The following CCDC87 variants were observed in gnomAD, a reference collection of about 807,000 sequenced individuals.
The protein encoded by CCDC87 is coiled-coil domain containing 87.
For synonymous variants in CCDC87, 434 were observed against 440.2 expected, an observed-to-expected ratio of 0.99 and a Z score of 0.18; for missense variants, 1,072 against 1,041.7, an observed-to-expected ratio of 1.03 and a Z score of -0.40.
In CCDC87 at chr11:66,591,197, C is replaced by G; in HGVS notation, c.1819G>C (p.Asp607His). Residue 607 changes from aspartate to histidine, a missense_variant, in exon 1 of 1, where the codon GAT becomes CAT. By Grantham distance (81) the Asp-to-His change is moderately conservative (BLOSUM62 -1). Coordinates refer to ENST00000333861, the MANE Select transcript of CCDC87 (RefSeq NM_018219.3). ...YFKYLTNHET[D>H]FLHVIFQMHE... ...ATTTGAAAGATGACATGAAGGAAAT[C>G]TGTTTCATGGTTGGTGAGGTACTTG... 6.2e-7 allele frequency: 1 copy of G among 1,614,242 alleles called. No individual in the cohort carries two copies. The highest frequency in any genetic ancestry group is 1.1e-5 in the South Asian group (1 of 91,084).
chr11:66,591,777 C>T lies in CCDC87; in HGVS notation c.1239G>A (p.Gln413=). The change falls in exon 1 of 1, where the codon CAG becomes CAA. Residue 413 remains glutamine (Q), a synonymous_variant. Coordinates refer to ENST00000333861, the MANE Select transcript of CCDC87 (RefSeq NM_018219.3). ...RNLQEEEASG[Q]WDPQPPKSFP... ...AGGATTTGGGGGGCTGGGGGTCCCA[C>T]TGCCCAGAGGCTTCTTCCTCCTGGA... is the stretch of plus-strand genomic sequence containing the variant. 3.1e-6 allele frequency: 5 copies of T among 1,613,634 alleles called. No homozygotes were observed. Among genetic ancestry groups the T allele is most frequent in the Non-Finnish European group, 4.2e-6 (5 of 1,179,994 alleles).
rs370285161 is a variant in CCDC87, at chr11:66,590,211, G to T, written c.*255C>A. ...GGAGATTTGGCTTGTATTGTGCAAG[G>T]CTTGACATAATGGGACTACTAGGCT... On this transcript the variant is annotated 3_prime_UTR_variant, in exon 1 of 1. Coordinates refer to ENST00000333861, the MANE Select transcript of CCDC87 (RefSeq NM_018219.3). 7 of 475,848 alleles carry T rather than the reference G, an allele frequency of 1.5e-5. No homozygotes were observed. Among genetic ancestry groups the T allele is most frequent in the Non-Finnish European group, 2.6e-5 (7 of 271,462 alleles). The allele number at this position is 475,848 out of a possible 1,614,324, so 29.5% of individuals were successfully genotyped here.
rs372124178 is a variant in CCDC87, at chr11:66,591,391, T to C, written c.1625A>G (p.Asn542Ser). The change falls in exon 1 of 1, where the codon AAC (asparagine) becomes AGC (serine). Residue 542 changes from asparagine (N) to serine (S), a missense_variant. By Grantham distance (46) the Asn-to-Ser change is conservative. Transcript: ENST00000333861. ...GGAGTAAAGTCCAACCAGCTCAGGG[T>C]TGATGATTTGAGGCTGTTTTTCTTG... Reference protein sequence around the residue: ...LRQEKQPQIINPELVGLYSQR... With the variant: ...LRQEKQPQIISPELVGLYSQR... 176 of 1,613,932 alleles carry C rather than the reference T, an allele frequency of 1.1e-4. No individual in the cohort carries two copies. Among genetic ancestry groups the C allele is most frequent in the Non-Finnish European group, 1.4e-4 (163 of 1,179,990 alleles).
Position 66,591,312 on chromosome 11 carries a change from T to C in CCDC87, c.1704A>G (p.Ser568=). The change falls in exon 1 of 1, where the codon TCA becomes TCG. Residue 568 remains serine, a synonymous_variant. Transcript: ENST00000333861. Reference sequence around the variant, plus strand: ...TCTCCCAGCTTTTGGTAGCTTGGAGTGATGGGAGGGAGGGCATCTTCTTAG... The same window carrying C: ...TCTCCCAGCTTTTGGTAGCTTGGAGCGATGGGAGGGAGGGCATCTTCTTAG... ...SNTKKMPSLP[S]LQATKSWEKW... 3 of 1,614,020 alleles carry C rather than the reference T, an allele frequency of 1.9e-6. 1 individual carries two copies. The highest frequency in any genetic ancestry group is 8.5e-7 in the Non-Finnish European group (1 of 1,179,970).
chr11:66,591,227 A>C lies in CCDC87; in HGVS notation c.1789T>G (p.Tyr597Asp). Residue 597 changes from tyrosine to aspartate, a missense_variant, in exon 1 of 1, where the codon TAC becomes GAC. Coordinates refer to ENST00000333861, the MANE Select transcript of CCDC87 (RefSeq NM_018219.3). ...TCATGGTTGGTGAGGTACTTGAAGTAGTCATCCACAGACAAGGTGGTTTTC... is the reference window on the plus strand; with the variant it reads ...TCATGGTTGGTGAGGTACTTGAAGTCGTCATCCACAGACAAGGTGGTTTTC... ...SWKTTLSVDD[Y>D]FKYLTNHETD... The C allele has an allele frequency of 6.2e-7, 1 of 1,614,234 alleles. No individual in the cohort carries two copies. Among genetic ancestry groups the C allele is most frequent in the Non-Finnish European group, 8.5e-7 (1 of 1,180,032 alleles).
In CCDC87 at chr11:66,591,457, T is replaced by C. The variant is rs748665254; in HGVS notation, c.1559A>G (p.Asp520Gly). The C allele has an allele frequency of 6.2e-7, 1 of 1,614,168 alleles. No homozygotes were observed. Residue 520 changes from aspartate (D) to glycine (G), a missense_variant, in exon 1 of 1, where the codon GAT becomes GGT. Physicochemically the swap from Asp to Gly is moderately conservative, Grantham distance 94. Coordinates refer to ENST00000333861, the MANE Select transcript of CCDC87 (RefSeq NM_018219.3). ...GGACAGGAAGGTCGACCAGTCTTTA[T>C]CTGCTGCAGGCTCAACTAGGGGCCC... Reference protein sequence around the residue: ...DQGPLVEPAADKDWSTFLSSA... With the variant: ...DQGPLVEPAAGKDWSTFLSSA...
rs1168009895 is a variant in CCDC87, at chr11:66,591,672, G to A, written c.1344C>T (p.Val448=). ...EVVVQAAAVR[V]SDRNFLDSFH... is the part of the protein sequence containing the mutation. ...AAGAGTCTAAGAAGTTTCTATCAGA[G>A]ACCCGTACGGCAGCCGCCTGGACCA... The change falls in exon 1 of 1, where the codon GTC becomes GTT. Residue 448 remains valine, a synonymous_variant. Coordinates refer to ENST00000333861, the MANE Select transcript of CCDC87 (RefSeq NM_018219.3). 2 of 1,613,798 alleles carry A rather than the reference G, an allele frequency of 1.2e-6. No homozygotes were observed. Among genetic ancestry groups the A allele is most frequent in the East Asian group, 2.2e-5 (1 of 44,888 alleles).
In CCDC87 at chr11:66,591,768, G is replaced by A. The variant is rs1858365275; in HGVS notation, c.1248C>T (p.Pro416=). ...QEEEASGQWD[P]QPPKSFPLHP... ...GAAGTGGAAAGGATTTGGGGGGCTG[G>A]GGGTCCCACTGCCCAGAGGCTTCTT... The change falls in exon 1 of 1, where the codon CCC becomes CCT. Residue 416 remains proline, a synonymous_variant. Transcript: ENST00000333861. The A allele has an allele frequency of 6.2e-7, 1 of 1,613,492 alleles. No individual in the cohort carries two copies. The highest frequency in any genetic ancestry group is 1.7e-5 in the Admixed American group (1 of 59,992).
At position 66,592,185 on chromosome 11, in the gene CCDC87, G is replaced by A; in HGVS notation, c.831C>T (p.Asp277=). The A allele has an allele frequency of 6.3e-7, 1 of 1,598,698 alleles. No homozygotes were observed. Among genetic ancestry groups the A allele is most frequent in the South Asian group, 1.1e-5 (1 of 88,202 alleles). The change falls in exon 1 of 1, where the codon GAC becomes GAT. Residue 277 remains aspartate, a synonymous_variant. Coordinates refer to ENST00000333861, the MANE Select transcript of CCDC87 (RefSeq NM_018219.3). ...LPSIGKKREI[D]ISSSQMVSLP... is the part of the protein sequence containing the mutation. The stretch of plus-strand genomic sequence containing the variant: ...GCGACACCATCTGTGAGGAACTGAT[G>A]TCGATTTCTCTCTTCTTTCCTATGG...
rs141813240 is a variant in CCDC87 at position 66,590,608 on chromosome 11, C to A, written c.2408G>T (p.Arg803Leu). 1 of 1,614,086 alleles carries A rather than the reference C, an allele frequency of 6.2e-7. No homozygotes were observed. Among genetic ancestry groups the A allele is most frequent in the African/African-American group, 1.3e-5 (1 of 74,938 alleles). The stretch of plus-strand genomic sequence containing the variant: ...ACTCTTCATCTTGTCCAGGTAGGGC[C>A]GCCCCTTGAAGATCACTGGCTCGCC... ...IFGEPVIFKGRPYLDKMKSDK... is the reference protein window; with the variant it reads ...IFGEPVIFKGLPYLDKMKSDK... The change falls in exon 1 of 1, where the codon CGG (arginine) becomes CTG (leucine). Residue 803 changes from arginine to leucine, a missense_variant. By Grantham distance (102) the Arg-to-Leu change is moderately radical. Transcript: ENST00000333861.
rs760594969 is a variant in CCDC87 at position 66,590,464 on chromosome 11, T to C, written c.*2A>G. ...GAGTAATAGGGGTATTCCCAGGAGCTACTAAAGGCTGGCTGCTGAGCTCCT... is the reference window on the plus strand; with the variant it reads ...GAGTAATAGGGGTATTCCCAGGAGCCACTAAAGGCTGGCTGCTGAGCTCCT... On this transcript the variant is annotated 3_prime_UTR_variant, in exon 1 of 1. Coordinates refer to ENST00000333861, the MANE Select transcript of CCDC87 (RefSeq NM_018219.3). 6 of 1,600,648 alleles carry C rather than the reference T, an allele frequency of 3.7e-6. No homozygotes were observed. The African/African-American group carries it at 4.0e-5, about 11-fold the overall frequency.
rs372888447 is a variant in CCDC87 at position 66,590,419 on chromosome 11, G to T, written c.*47C>A. 6.9e-7 allele frequency: 1 copy of T among 1,446,068 alleles called. No individual in the cohort carries two copies. Among genetic ancestry groups the T allele is most frequent in the African/African-American group, 1.4e-5 (1 of 70,484 alleles). 89.6% of individuals were successfully genotyped at this position (1,446,068 alleles called of 1,614,324 possible). ...ATTTAGGGGTGAGGGAGGCATTTGA[G>T]GGCACTGGGCCTGGTCAAGGAGTAA... On this transcript the variant is annotated 3_prime_UTR_variant, in exon 1 of 1. Transcript: ENST00000333861.
Position 66,591,270 on chromosome 11 carries a change from G to A in CCDC87, c.1746C>T (p.Ala582=). ...TKSWEKWSNK[A]SLMNSWKTTL... Reference sequence around the variant, plus strand: ...TGGTTTTCCATGAGTTCATCAAGGAGGCCTTGTTTGACCACTTCTCCCAGC... The same window carrying A: ...TGGTTTTCCATGAGTTCATCAAGGAAGCCTTGTTTGACCACTTCTCCCAGC... Residue 582 remains alanine (A), a synonymous_variant, in exon 1 of 1, where the codon GCC becomes GCT. Transcript: ENST00000333861. The A allele has an allele frequency of 1.2e-6, 2 of 1,614,242 alleles. No individual in the cohort carries two copies. The highest frequency in any genetic ancestry group is 1.7e-6 in the Non-Finnish European group (2 of 1,180,048).
Position 66,590,652 on chromosome 11 carries a change from C to T in CCDC87, c.2364G>A (p.Glu788=). The T allele has an allele frequency of 6.2e-7, 1 of 1,614,098 alleles. No homozygotes were observed. The highest frequency in any genetic ancestry group is 8.5e-7 in the Non-Finnish European group (1 of 1,179,940). Residue 788 remains glutamate (E), a synonymous_variant, in exon 1 of 1, where the codon GAG becomes GAA. Coordinates refer to ENST00000333861, the MANE Select transcript of CCDC87 (RefSeq NM_018219.3). ...LMESSLVSLL[E]EIELIFGEPV... is the part of the protein sequence containing the mutation. The stretch of plus-strand genomic sequence containing the variant: ...GCTCGCCAAAGATTAACTCTATCTC[C>T]TCCAGGAGGGAAACCAAAGAAGACT...
In CCDC87 at chr11:66,592,795, C is replaced by T; in HGVS notation, c.221G>A (p.Gly74Glu). 6.2e-7 allele frequency: 1 copy of T among 1,607,096 alleles called. No homozygotes were observed. The highest frequency in any genetic ancestry group is 8.5e-7 in the Non-Finnish European group (1 of 1,176,558). ...ACGTAGTCGGGCCTCAGGAGGCACT[C>T]CCGCTGCTATCCCGCTGCCGGCCAG... ...KLLAGSGIAA[G>E]VPPEARLRLI... Residue 74 changes from glycine to glutamate, a missense_variant, in exon 1 of 1, where the codon GGA becomes GAA. Coordinates refer to ENST00000333861, the MANE Select transcript of CCDC87 (RefSeq NM_018219.3).
Position 66,592,970 on chromosome 11 carries a change from G to T in CCDC87, c.46C>A (p.His16Asn), listed in dbSNP as rs753708100. 6.6e-7 allele frequency: 1 copy of T among 1,517,300 alleles called. No individual in the cohort carries two copies. Among genetic ancestry groups the T allele is most frequent in the Non-Finnish European group, 8.8e-7 (1 of 1,135,596 alleles). 94.0% of individuals were successfully genotyped at this position (1,517,300 alleles called of 1,614,324 possible). The change falls in exon 1 of 1, where the codon CAC (histidine) becomes AAC (asparagine). Residue 16 changes from histidine (H) to asparagine (N), a missense_variant. Transcript: ENST00000333861. ...AGCGACAGCGGACGCAGCAGCCGGT[G>T]GTAAAACCGCTGGAGCTCAGGCTCG... is the stretch of plus-strand genomic sequence containing the variant. ...KPEPELQRFY[H>N]RLLRPLSLFP...
chr11:66,590,803 A>C lies in CCDC87; in HGVS notation c.2213T>G (p.Leu738Arg), dbSNP rs62000969. 0.041 allele frequency: 66,121 copies of C among 1,613,254 alleles called. 1,585 individuals are homozygous for C. The highest frequency in any genetic ancestry group is 0.049 in the Non-Finnish European group (58,194 of 1,180,018). ...GGAAGCTTGTCCCTCAAACCACTCT[A>C]GTCTCGCCAGCAATGCCTCCCGCAG... ...IQLREALLAR[L>R]EWFEGQASNP... Residue 738 changes from leucine (L) to arginine (R), a missense_variant, in exon 1 of 1, where the codon CTA becomes CGA. Leu to Arg is a moderately radical substitution (Grantham distance 102). Transcript: ENST00000333861.
Position 66,591,028 on chromosome 11 carries a change from A to T in CCDC87, c.1988T>A (p.Leu663Gln). 6.2e-7 allele frequency: 1 copy of T among 1,614,134 alleles called. No homozygotes were observed. Among genetic ancestry groups the T allele is most frequent in the Non-Finnish European group, 8.5e-7 (1 of 1,180,044 alleles). The change falls in exon 1 of 1, where the codon CTA (leucine) becomes CAA (glutamine). Residue 663 changes from leucine to glutamine, a missense_variant. Physicochemically the swap from Leu to Gln is moderately radical, Grantham distance 113. Coordinates refer to ENST00000333861, the MANE Select transcript of CCDC87 (RefSeq NM_018219.3). ...WDWNTVLEHR[L>Q]GAGKTPHLGE... Reference sequence around the variant, plus strand: ...CAGGTGGGGTGTCTTCCCAGCTCCTAGCCTGTGCTCTAGCACAGTGTTCCA... The same window carrying T: ...CAGGTGGGGTGTCTTCCCAGCTCCTTGCCTGTGCTCTAGCACAGTGTTCCA...
Position 66,592,605 on chromosome 11 carries a change from G to C in CCDC87, c.411C>G (p.Thr137=), listed in dbSNP as rs746051003. 2 of 1,613,700 alleles carry C rather than the reference G, an allele frequency of 1.2e-6. No homozygotes were observed. Among genetic ancestry groups the C allele is most frequent in the Non-Finnish European group, 1.7e-6 (2 of 1,180,008 alleles). ...TGAAGACCCCCCTGGGAGTCGACAT[G>C]GTCACCAGCAGGTGCAGGTAGCGCA... ...LFLRYLHLLV[T]MSTPRGVFTE... is the part of the protein sequence containing the mutation. The change falls in exon 1 of 1, where the codon ACC becomes ACG. Residue 137 remains threonine, a synonymous_variant. Coordinates refer to ENST00000333861, the MANE Select transcript of CCDC87 (RefSeq NM_018219.3).
Sources: allele counts gnomAD v4.1 joint callset, GRCh38; gene constraint gnomAD v4.1.1; transcripts MANE v1.5; gene names NCBI Gene and HGNC (gene_info 2026-07-23, HGNC 2026-07-21).